Variants in CMIP observed in about 807,000 individuals in gnomAD.
The protein encoded by CMIP is C-Maf-inducing protein.
CMIP carries 13 observed loss-of-function variants against 97.3 expected under a neutral mutation model. The observed-to-expected ratio is 0.13, with a 90% CI of 0.09 to 0.21. CMIP has a LOEUF of 0.21. Among genes scored for constraint, CMIP ranks in the 10% least tolerant of loss-of-function variants. The probability of loss-of-function intolerance (pLI) is 1.00; values close to 1 mark genes in which losing one functional copy is unlikely to be tolerated. For synonymous variants in CMIP, 538 were observed against 436.3 expected (o/e 1.23, Z -2.91); for missense variants, 847 against 1,024.9 (o/e 0.83, Z 2.37).
At chr16:81,489,419 C>G (rs1245821271) in intron 1 of CMIP, among the ~76,000 whole-genome samples, 1 of 152,120 alleles carries the variant, frequency 6.6e-6, no homozygotes, top group Non-Finnish European at 1.5e-5. Flanking sequence ...TTTTTCTCCT[C>G]GGTAGTCAGA....
intron 1 of CMIP, among the ~76,000 whole-genome samples, chr16:81,511,639 C>T (rs1227492902): frequency 2.0e-5 from 3 of 152,218 alleles, no homozygotes; most frequent in African/African-American, 7.2e-5. Flanking sequence ...TGGCTCACTG[C>T]AGCTTCAACT....
rs1906376235 is a variant in CMIP, at chr16:81,453,719, T to C, written c.300+8178T>C. On this transcript the variant is annotated intron_variant, in intron 1 of 20. Transcript: ENST00000537098. This position sits in a 1 kb window ranked among gnomAD's most constrained non-coding sequence, Gnocchi z 4.0. ...TGGGTGGCTTCATGCAGCCCAGTTC[T>C]TGCAGTCCTGCAGGGGTCTCCCGAG... Among the ~76,000 whole-genome samples, 2 of 152,248 alleles carry C rather than the reference T, an allele frequency of 1.3e-5. No homozygotes were observed. Among genetic ancestry groups the C allele is most frequent in the Admixed American group, 6.5e-5 (1 of 15,290 alleles).
chr16:81,544,352 G>A (rs997321370), intron 1 of CMIP, among the ~76,000 whole-genome samples: 1 of 152,234 alleles, frequency 6.6e-6, no homozygotes, highest in Admixed American at 6.5e-5. Flanking sequence ...TTGGTGCTAT[G>A]TGTGTGGCGT....
intron 3 of CMIP, among the ~76,000 whole-genome samples, chr16:81,640,531 C>G (rs2092292053): frequency 6.6e-6 from 1 of 152,182 alleles, no homozygotes; most frequent in African/African-American, 2.4e-5. Flanking sequence ...TTTCCGTAAA[C>G]TGTGTTGCTT....
chr16:81,656,331 T>C (rs1267104362), intron 4 of CMIP, among the ~76,000 whole-genome samples: 2 of 152,224 alleles, frequency 1.3e-5, no homozygotes, highest in African/African-American at 2.4e-5. Context: ...GTCCAGGTGG[T>C]GGGAGCCATG....
At chr16:81,513,687 A>C (rs933693634) in intron 1 of CMIP, among the ~76,000 whole-genome samples, 24 of 152,208 alleles carry the variant, frequency 1.6e-4, no homozygotes, top group African/African-American at 5.8e-4. Flanking sequence ...CAGATGGGTC[A>C]ATTCCCAGAG....
At chr16:81,615,845 C>T (rs2091910712) in intron 2 of CMIP, among the ~76,000 whole-genome samples, 1 of 152,040 alleles carries the variant, frequency 6.6e-6, no homozygotes, top group African/African-American at 2.4e-5. Context: ...CATAAACCCC[C>T]CTGAATCAGG....
At chr16:81,554,065 T>C (rs1025148397) in intron 1 of CMIP, among the ~76,000 whole-genome samples, 1 of 152,240 alleles carries the variant, frequency 6.6e-6, no homozygotes, top group Non-Finnish European at 1.5e-5. Context: ...CTCTGTACTT[T>C]CCATTTAAGG....
intron 1 of CMIP, among the ~76,000 whole-genome samples, chr16:81,523,664 C>T (rs1040666976): frequency 2.0e-5 from 3 of 152,220 alleles, no homozygotes; most frequent in Non-Finnish European, 2.9e-5. Context: ...TGGCCTAGAA[C>T]GAAGTCTGGA....
At chr16:81,452,105 T>C (rs1906254213) in intron 1 of CMIP, among the ~76,000 whole-genome samples, 2 of 152,218 alleles carry the variant, frequency 1.3e-5, no homozygotes, top group South Asian at 4.1e-4. Context: ...TCAGTAGCCA[T>C]TTCGTTACCC....
At chr16:81,663,825 A>C (rs999411781) in intron 6 of CMIP, among the ~76,000 whole-genome samples, 2 of 152,110 alleles carry the variant, frequency 1.3e-5, no homozygotes, top group African/African-American at 4.8e-5. Flanking sequence ...CCCCCTGCCC[A>C]GGGAGTCCTC....
intron 1 of CMIP, among the ~76,000 whole-genome samples, chr16:81,537,175 T>A (rs1372363016): frequency 6.6e-6 from 1 of 152,148 alleles, no homozygotes; most frequent in Non-Finnish European, 1.5e-5. Context: ...GCCGTCACAA[T>A]GTTCACGTGT....
chr16:81,628,385 G>A (rs2092103938), intron 3 of CMIP, among the ~76,000 whole-genome samples: 1 of 152,198 alleles, frequency 6.6e-6, no homozygotes, highest in East Asian at 1.9e-4. Context: ...TTAGCACAAG[G>A]CTGCAGCTGG....
chr16:81,445,088 A>C lies in CMIP; in HGVS notation c.-154A>C. 3.6e-6 allele frequency: 1 copy of C among 281,632 alleles called. No individual in the cohort carries two copies. The highest frequency in any genetic ancestry group is 6.5e-6 in the Non-Finnish European group (1 of 153,974). The allele number at this position is 281,632 out of a possible 1,614,324, so 17.4% of individuals were successfully genotyped here. A position where few individuals can be genotyped will look rare whatever the true frequency, so the allele number is the denominator to read the frequency against. On this transcript the variant is annotated 5_prime_UTR_variant, in exon 1 of 21. Transcript: ENST00000537098. Reference sequence around the variant, plus strand: ...GCCGCACGCGCCGCCCCCCGCGGGCAGCGCCCCCTCCCCTGCGGGCGCCCC... The same window carrying C: ...GCCGCACGCGCCGCCCCCCGCGGGCCGCGCCCCCTCCCCTGCGGGCGCCCC...
At chr16:81,603,817 A>G (rs949061383) in intron 1 of CMIP, among the ~76,000 whole-genome samples, 1 of 152,192 alleles carries the variant, frequency 6.6e-6, no homozygotes, top group Non-Finnish European at 1.5e-5. Flanking sequence ...CCAGAGGCAA[A>G]GATTGGTCTT....
At chr16:81,532,113 C>G (rs2090248610) in intron 1 of CMIP, among the ~76,000 whole-genome samples, 1 of 152,228 alleles carries the variant, frequency 6.6e-6, no homozygotes, top group Non-Finnish European at 1.5e-5. Flanking sequence ...AGGCCAAGGA[C>G]AGCTAAAGAA....
At chr16:81,584,929 C>G (rs59736914) in intron 1 of CMIP, among the ~76,000 whole-genome samples, 2,818 of 152,290 alleles carry the variant, frequency 0.019, 77 homozygotes, top group African/African-American at 0.064. Context: ...AGAGCAGAGG[C>G]TTTGAAATGG....
At chr16:81,536,130 T>A (rs1007303551) in intron 1 of CMIP, among the ~76,000 whole-genome samples, 6 of 152,204 alleles carry the variant, frequency 3.9e-5, no homozygotes, top group Admixed American at 3.3e-4. Flanking sequence ...GTATGAAGAT[T>A]AATTTCCCTG....
At chr16:81,669,824 T>TC (rs1014298545) in intron 7 of CMIP, among the ~76,000 whole-genome samples, 2 of 152,164 alleles carry the variant, frequency 1.3e-5, no homozygotes, top group East Asian at 1.9e-4. Flanking sequence ...CCCTCTCTTG[T>TC]CCCCCCAGCC....
Sources: gnomAD v4.1 joint callset for allele counts (sites outside exome capture counted in the v4.1 genomes callset) on GRCh38, gnomAD v4.1.1 for gene constraint, Gnocchi (gnomAD v3.1) non-coding constraint, MANE v1.5 for transcripts, NCBI Gene and HGNC (gene_info 2026-07-23, HGNC 2026-07-21) for gene names.